Variants in NEK4 observed in about 807,000 individuals in gnomAD.
The protein encoded by NEK4 is NIMA related kinase 4.
NEK4 carries 86 observed loss-of-function variants against 98.4 expected under a neutral mutation model. The observed-to-expected ratio is 0.87, with a 90% CI of 0.73 to 1.05. The LOEUF is 1.05. Among genes scored for constraint, NEK4 ranks in the 50% least tolerant of loss-of-function variants. The pLI is 0.00. For synonymous variants in NEK4, 328 were observed against 342.2 expected (o/e 0.96, Z 0.46); for missense variants, 898 against 950.3 (o/e 0.94, Z 0.72).
chr3:52,747,368 T>C (rs1057386082), intron 8 of NEK4: 2 of 160,594 alleles, frequency 1.2e-5, no homozygotes, highest in East Asian at 1.9e-4. Context: ...GGTAGAAGAA[T>C]TGCTTGAACC....
intron 15 of NEK4, among the ~76,000 whole-genome samples, chr3:52,713,299 C>T (rs1032306274): frequency 1.3e-5 from 2 of 152,190 alleles, no homozygotes; most frequent in Non-Finnish European, 1.5e-5. Flanking sequence ...TGAGAAAACA[C>T]TGGAAAAATC....
intron 6 of NEK4, chr3:52,753,675 A>G (rs2154105484): frequency 8.6e-6 from 5 of 583,018 alleles, no homozygotes; most frequent in South Asian, 6.9e-5. Flanking sequence ...CCCATAACTA[A>G]GCCTACGGAG....
In NEK4 at chr3:52,743,432, C is replaced by T. The variant is rs1395282784; in HGVS notation, c.1924G>A (p.Val642Ile). The change falls in exon 12 of 16, where the codon GTA becomes ATA. Residue 642 changes from valine (V) to isoleucine (I), a missense_variant. Transcript: ENST00000233027. ...GPSVRKASLS[V>I]AGPGKPQEED... ...TCCTGGGGTTTTCCTGGCCCTGCTA[C>T]ACTCAGAGACGCTTTCCTCACTGAA... 2 of 1,614,124 alleles carry T rather than the reference C, an allele frequency of 1.2e-6. No individual in the cohort carries two copies. Among genetic ancestry groups the T allele is most frequent in the Non-Finnish European group, 1.7e-6 (2 of 1,180,008 alleles).
At chr3:52,737,804 TTTTA>T in intron 14 of NEK4, 85 bp from the exon 15 acceptor site, 1 of 957,672 alleles carries the variant, frequency 1.0e-6, no homozygotes, top group Non-Finnish European at 1.5e-6. Context: ...AAATTTTGTA[TTTTA>T]TTTTATTTAT....
In NEK4 at chr3:52,732,792, T is replaced by C. The variant is rs138597281; in HGVS notation, c.2433+4794A>G. The C allele has an allele frequency of 1.2e-3, 294 of 247,390 alleles. 2 individuals are homozygous for C. The highest frequency in any genetic ancestry group is 0.012 in the Admixed American group (276 of 23,964). 15.3% of individuals were successfully genotyped at this position (247,390 alleles called of 1,614,324 possible). A position where few individuals can be genotyped will look rare whatever the true frequency, so the allele number is the denominator to read the frequency against. The stretch of plus-strand genomic sequence containing the variant: ...AGCTCTGGACTCTGCAGGGTGAAGA[T>C]AGCAAACAATCCAGATGGCAGGGAA... On this transcript the variant is annotated intron_variant, in intron 15 of 15. Coordinates refer to ENST00000233027, the MANE Select transcript of NEK4 (RefSeq NM_003157.6).
intron 1 of NEK4, among the ~76,000 whole-genome samples, 187 bp downstream of exon 1, chr3:52,770,467 G>A (rs1698736430): frequency 6.6e-6 from 1 of 150,528 alleles, no homozygotes; most frequent in Non-Finnish European, 1.5e-5. Context: ...ACACAACAAA[G>A]AAGTAGAAGT....
chr3:52,720,139 T>C (rs1165752814), intron 15 of NEK4, among the ~76,000 whole-genome samples: 4 of 151,934 alleles, frequency 2.6e-5, no homozygotes, highest in Non-Finnish European at 5.9e-5. Context: ...AAAAATTAGC[T>C]GGGCGTGGTG....
chr3:52,770,620 C>T (rs1469491322), intron 1 of NEK4, 34 bp downstream of exon 1: 10 of 1,401,652 alleles, frequency 7.1e-6, no homozygotes, highest in Non-Finnish European at 9.8e-6. Flanking sequence ...CTTCTGCCCG[C>T]CCCCGCCCCT....
At chr3:52,740,819 AT>A (rs35270761) in intron 13 of NEK4, among the ~76,000 whole-genome samples, 50,476 of 151,338 alleles carry the variant, frequency 0.33, 9,529 homozygotes, top group Admixed American at 0.46. Flanking sequence ...AATAAAATAT[AT>A]TTTTAAAAAG....
intron 6 of NEK4, among the ~76,000 whole-genome samples, chr3:52,755,704 GA>G (rs370833408): frequency 7.0e-4 from 103 of 146,904 alleles, no homozygotes; most frequent in African/African-American, 2.4e-3. Context: ...ATTAGGCAAG[GA>G]AAAAAAAAAT....
chr3:52,726,484 A>C (rs955269307), intron 15 of NEK4, among the ~76,000 whole-genome samples: 21 of 152,130 alleles, frequency 1.4e-4, no homozygotes, highest in Admixed American at 5.2e-4. Flanking sequence ...CTGTAGTCCC[A>C]GCTACTCGGG....
At chr3:52,764,782 A>G (rs889224110) in intron 4 of NEK4, among the ~76,000 whole-genome samples, 4 of 148,374 alleles carry the variant, frequency 2.7e-5, no homozygotes, top group South Asian at 2.1e-4. Flanking sequence ...ACACATGCAC[A>G]CACACACACA....
At chr3:52,747,049 T>C in intron 8 of NEK4, 145 bp from the exon 9 acceptor site, 1 of 624,354 alleles carries the variant, frequency 1.6e-6, no homozygotes, top group Non-Finnish European at 2.8e-6. Context: ...TATTGCAATT[T>C]AGTGTTACAT....
At chr3:52,713,820 A>AAGTC (rs10643910) in intron 15 of NEK4, among the ~76,000 whole-genome samples, 47,707 of 144,686 alleles carry the variant, frequency 0.33, 8,970 homozygotes, top group Admixed American at 0.44. Flanking sequence ...AAAAAAGTCA[A>AAGTC]AGTCAGGAAA....
chr3:52,740,270 G>C (rs1043117341), intron 13 of NEK4, among the ~76,000 whole-genome samples: 6 of 151,862 alleles, frequency 4.0e-5, no homozygotes, highest in African/African-American at 1.5e-4. Flanking sequence ...TAATAAATGA[G>C]GACATTAAAA....
intron 4 of NEK4, among the ~76,000 whole-genome samples, chr3:52,764,992 T>C (rs1166193960): frequency 6.6e-6 from 1 of 152,158 alleles, no homozygotes; most frequent in African/African-American, 2.4e-5. Flanking sequence ...ATGCTTCAAA[T>C]TGAAAAATTA....
At chr3:52,769,818 T>C (rs1026795087) in intron 1 of NEK4, among the ~76,000 whole-genome samples, 5 of 152,308 alleles carry the variant, frequency 3.3e-5, no homozygotes, top group African/African-American at 7.2e-5. Context: ...CATTGAATAA[T>C]TGGTTCATTA....
At chr3:52,755,674 T>G (rs2097414038) in intron 6 of NEK4, among the ~76,000 whole-genome samples, 1 of 151,574 alleles carries the variant, frequency 6.6e-6, no homozygotes, top group Non-Finnish European at 1.5e-5. Flanking sequence ...AATATAGTAC[T>G]AGAAGTTCTA....
At chr3:52,758,038 ATGT>A (rs1279070047) in intron 6 of NEK4, among the ~76,000 whole-genome samples, 1 of 151,778 alleles carries the variant, frequency 6.6e-6, no homozygotes, top group Non-Finnish European at 1.5e-5. Flanking sequence ...AATTAGCCAG[ATGT>A]TGTGGCGTGT....
Sources: allele counts gnomAD v4.1 joint callset (sites outside exome capture counted in the v4.1 genomes callset), GRCh38; gene constraint gnomAD v4.1.1; transcripts MANE v1.5; gene names NCBI Gene and HGNC (gene_info 2026-07-23, HGNC 2026-07-21).